LRRCC1: variants seen among roughly 807,000 people sequenced by gnomAD.
LRRCC1 encodes the protein leucine rich repeat and coiled-coil centrosomal protein 1, also known as leucine-rich repeat and coiled-coil domain-containing protein 1.
LRRCC1 carries 115 observed loss-of-function variants against 126.0 expected under a neutral mutation model. That is an observed-to-expected ratio of 0.91 (90% CI 0.78 to 1.07). LRRCC1 has a LOEUF of 1.07. Ranked by LOEUF, LRRCC1 falls within the 50% of genes least tolerant of loss-of-function variation. LRRCC1 has a pLI of 0.00. For synonymous variants in LRRCC1, 400 were observed against 393.4 expected (o/e 1.02, Z -0.20); for missense variants, 1,172 against 1,175.7 (o/e 1.00, Z 0.05).
intron 6 of LRRCC1, among the ~76,000 whole-genome samples, chr8:85,120,125 T>C (rs1809426450): frequency 6.6e-6 from 1 of 152,224 alleles, no homozygotes; most frequent in South Asian, 2.1e-4. Context: ...TTTAAATTTA[T>C]TGAGTTTTTT....
chr8:85,142,592 G>A (rs1811327529), intron 18 of LRRCC1, among the ~76,000 whole-genome samples: 1 of 152,140 alleles, frequency 6.6e-6, no homozygotes, highest in East Asian at 1.9e-4. Context: ...TCCCAGCGGA[G>A]GCCGAGGCTG....
At position 85,107,474 on chromosome 8, in the gene LRRCC1, C is replaced by T. The variant is rs1361577102; in HGVS notation, c.104+75C>T. 2.3e-6 allele frequency: 3 copies of T among 1,299,938 alleles called. No homozygotes were observed. In the African/African-American group the frequency reaches 4.5e-5, roughly 19 times the overall value. The allele number at this position is 1,299,938 out of a possible 1,614,324, so 80.5% of individuals were successfully genotyped here. ...GGGCCACGAGTGGCTGGCGGCGACA[C>T]CAGAGTGGAGGCGCGGCACTGCTTT... On this transcript the variant is annotated intron_variant, in intron 1 of 18. Coordinates refer to ENST00000360375, the MANE Select transcript of LRRCC1 (RefSeq NM_033402.5).
At chr8:85,137,388 C>A in intron 14 of LRRCC1, 76 bp from the exon 15 acceptor site, 1 of 834,420 alleles carries the variant, frequency 1.2e-6, no homozygotes, top group Non-Finnish European at 1.8e-6. Flanking sequence ...TATTATATTA[C>A]AGTTTGTTAG....
At position 85,124,802 on chromosome 8, in the gene LRRCC1, A is replaced by G; in HGVS notation, c.1135A>G (p.Lys379Glu). ...TTTCATTCTTTACAGTTGTAATCGT[A>G]AAATGAAACCACCTTACCTTAAAGA... ...NYNSFVSCNRKMKPPYLKELY... is the reference protein window; with the variant it reads ...NYNSFVSCNREMKPPYLKELY... Residue 379 changes from lysine to glutamate, a missense_variant, in exon 8 of 19, where the codon AAA becomes GAA. Coordinates refer to ENST00000360375, the MANE Select transcript of LRRCC1 (RefSeq NM_033402.5). The G allele has an allele frequency of 1.3e-6, 2 of 1,555,240 alleles. No homozygotes were observed. Among genetic ancestry groups the G allele is most frequent in the Non-Finnish European group, 1.7e-6 (2 of 1,146,870 alleles).
intron 11 of LRRCC1, among the ~76,000 whole-genome samples, chr8:85,130,447 C>T (rs1241119427): frequency 6.6e-6 from 1 of 151,904 alleles, no homozygotes; most frequent in Non-Finnish European, 1.5e-5. Flanking sequence ...TGGCCCCCAC[C>T]ACCAGTATTT....
At chr8:85,108,725 TTAG>T (rs35553181) in intron 1 of LRRCC1, 12,316 of 152,260 alleles carry the variant, frequency 0.081, 746 homozygotes, top group Non-Finnish European at 0.13. Flanking sequence ...GCTGTCAGAG[TTAG>T]GTTTCCTACA....
chr8:85,111,732 A>C (rs1276338065), intron 3 of LRRCC1, among the ~76,000 whole-genome samples: 1 of 152,210 alleles, frequency 6.6e-6, no homozygotes, highest in Non-Finnish European at 1.5e-5. Context: ...ATGAAATGCA[A>C]ATTAAAACCA....
At position 85,138,210 on chromosome 8, in the gene LRRCC1, A is replaced by C; in HGVS notation, c.2669A>C (p.Glu890Ala). 1.2e-6 allele frequency: 2 copies of C among 1,610,250 alleles called. No homozygotes were observed. The highest frequency in any genetic ancestry group is 1.7e-6 in the Non-Finnish European group (2 of 1,178,758). ...EKLKQQLKGK[E>A]VELEEIRKAY... ...CTAAAACAACAGTTGAAAGGAAAGG[A>C]AGTAGAACTTGAAGAAATCAGAAAA... Residue 890 changes from glutamate to alanine, a missense_variant, in exon 16 of 19, where the codon GAA (glutamate) becomes GCA (alanine). Glu to Ala is a moderately radical substitution (Grantham distance 107). Coordinates refer to ENST00000360375, the MANE Select transcript of LRRCC1 (RefSeq NM_033402.5).
intron 6 of LRRCC1, among the ~76,000 whole-genome samples, chr8:85,118,077 A>G (rs919098678): frequency 2.6e-5 from 4 of 152,058 alleles, no homozygotes; most frequent in Non-Finnish European, 5.9e-5. Context: ...TTTTTTGTCT[A>G]CCATATATTA....
Position 85,108,744 on chromosome 8 carries a change from A to G in LRRCC1, c.105-851A>G, listed in dbSNP as rs985520572. The G allele has an allele frequency of 4.6e-5, 7 of 152,200 alleles. No individual in the cohort carries two copies. In the South Asian group the frequency reaches 1.4e-3, roughly 32 times the overall value. The allele number at this position is 152,200 out of a possible 1,614,324, so 9.4% of individuals were successfully genotyped here. ...TCAGAGTTAGGTTTCCTACAGCTGT[A>G]AGATAGCTGCTACTCAACCTACAGC... On this transcript the variant is annotated intron_variant, in intron 1 of 18. Transcript: ENST00000360375.
chr8:85,112,890 G>A (rs1027702923), intron 3 of LRRCC1, 42 bp from the exon 4 acceptor site: 27 of 1,423,542 alleles, frequency 1.9e-5, no homozygotes, highest in Non-Finnish European at 2.4e-5. Flanking sequence ...CTATTGGAAA[G>A]ACTATTGCTG....
rs770530944 is a variant in LRRCC1, at chr8:85,107,249, C to G, written c.-47C>G. The G allele has an allele frequency of 6.4e-7, 1 of 1,557,188 alleles. No individual in the cohort carries two copies. Among genetic ancestry groups the G allele is most frequent in the Non-Finnish European group, 8.7e-7 (1 of 1,148,732 alleles). On this transcript the variant is annotated 5_prime_UTR_variant, in exon 1 of 19. Coordinates refer to ENST00000360375, the MANE Select transcript of LRRCC1 (RefSeq NM_033402.5). ...GGGAGGCTTGTCCCAAGCTCACGGA[C>G]CCCTCGCTGGGTGCCGGTTAAGACC...
chr8:85,145,654 A>T lies in LRRCC1; in HGVS notation c.*143A>T. ...ATGAATATATTTTTAAAGACTTTTG[A>T]TCAAGTATTTATTAATTGTATAGGT... On this transcript the variant is annotated 3_prime_UTR_variant, in exon 19 of 19. Coordinates refer to ENST00000360375, the MANE Select transcript of LRRCC1 (RefSeq NM_033402.5). The T allele has an allele frequency of 1.8e-6, 1 of 565,684 alleles. No individual in the cohort carries two copies. The highest frequency in any genetic ancestry group is 2.6e-6 in the Non-Finnish European group (1 of 385,338). The allele number at this position is 565,684 out of a possible 1,614,324, so 35.0% of individuals were successfully genotyped here.
chr8:85,112,905 A>G, intron 3 of LRRCC1, 27 bp from the exon 4 acceptor site: 1 of 1,508,960 alleles, frequency 6.6e-7, no homozygotes, highest in Non-Finnish European at 8.9e-7. Context: ...TTGCTGTGGC[A>G]TTTAAAGAAT....
Position 85,129,315 on chromosome 8 carries a change from T to G in LRRCC1, c.1562T>G (p.Leu521Ter). Residue 521 changes from leucine to a stop codon, truncating the protein, a stop_gained, in exon 10 of 19, where the codon TTA becomes TGA. Coordinates refer to ENST00000360375, the MANE Select transcript of LRRCC1 (RefSeq NM_033402.5). LOFTEE classifies it high-confidence loss of function. ...CAACAAGAGGATCACCTTAAACACTTAAGAACCCTCGAAAAAACATTAGAA... is the reference window on the plus strand; with the variant it reads ...CAACAAGAGGATCACCTTAAACACTGAAGAACCCTCGAAAAAACATTAGAA... ...KDQQEDHLKH[L>*]RTLEKTLEKM... 3 of 1,613,016 alleles carry G rather than the reference T, an allele frequency of 1.9e-6. No homozygotes were observed. Among genetic ancestry groups the G allele is most frequent in the Non-Finnish European group, 2.5e-6 (3 of 1,179,762 alleles).
intron 11 of LRRCC1, among the ~76,000 whole-genome samples, chr8:85,131,070 G>A (rs1810427686): frequency 6.6e-6 from 1 of 152,040 alleles, no homozygotes; most frequent in South Asian, 2.1e-4. Flanking sequence ...TCCGAAACCT[G>A]TTTTGTTTTG....
rs1322295058 is a variant in LRRCC1 at position 85,130,019 on chromosome 8, A to G, written c.1727A>G (p.Gln576Arg). The G allele has an allele frequency of 6.3e-7, 1 of 1,598,728 alleles. No individual in the cohort carries two copies. The highest frequency in any genetic ancestry group is 8.5e-7 in the Non-Finnish European group (1 of 1,174,480). ...SLHREREQAQ[Q>R]LHQLLALKEQ... ...CATCGAGAAAGAGAACAAGCGCAAC[A>G]ACTTCATCAACTTCTTGCATTGAAA... The change falls in exon 11 of 19, where the codon CAA becomes CGA. Residue 576 changes from glutamine (Q) to arginine (R), a missense_variant. Physicochemically the swap from Gln to Arg is conservative, Grantham distance 43 (BLOSUM62 1). Coordinates refer to ENST00000360375, the MANE Select transcript of LRRCC1 (RefSeq NM_033402.5).
intron 6 of LRRCC1, among the ~76,000 whole-genome samples, chr8:85,120,466 C>T (rs1013326645): frequency 6.6e-6 from 1 of 152,140 alleles, no homozygotes; most frequent in African/African-American, 2.4e-5. Context: ...CTTGGTCTTT[C>T]GGATGAAGTT....
At chr8:85,138,838 A>AT (rs1174891847) in intron 17 of LRRCC1, among the ~76,000 whole-genome samples, 1 of 152,108 alleles carries the variant, frequency 6.6e-6, no homozygotes, top group African/African-American at 2.4e-5. Flanking sequence ...TGAGATTAGG[A>AT]GTTCAAGACT....
Sources: allele counts gnomAD v4.1 joint callset (sites outside exome capture counted in the v4.1 genomes callset), GRCh38; gene constraint gnomAD v4.1.1; transcripts MANE v1.5; gene names NCBI Gene and HGNC (gene_info 2026-07-23, HGNC 2026-07-21).